The following COG6 variants were observed in gnomAD, a reference collection of about 807,000 sequenced individuals.
COG6 encodes component of oligomeric golgi complex 6.
Under a neutral mutation model 88.8 loss-of-function variants are expected in COG6, and 74 were observed. The observed-to-expected ratio is 0.83, with a 90% CI of 0.69 to 1.01. The LOEUF (loss-of-function observed/expected upper bound fraction) is 1.01, where lower values mean the gene tolerates loss of function less well. Among genes scored for constraint, COG6 ranks in the 50% least tolerant of loss-of-function variants. The pLI is 0.00. For missense variants in COG6, 800 were observed against 797.9 expected, an observed-to-expected ratio of 1.00 and a Z score of -0.03; for synonymous variants, 286 against 278.7, an observed-to-expected ratio of 1.03 and a Z score of -0.26.
chr13:39,662,510 G>A (rs778119296), intron 3 of COG6, among the ~76,000 whole-genome samples: 1 of 151,944 alleles, frequency 6.6e-6, no homozygotes, highest in Non-Finnish European at 1.5e-5. Flanking sequence ...TCTTTATTCA[G>A]ATCAACTTTA....
intron 8 of COG6, among the ~76,000 whole-genome samples, chr13:39,684,288 G>T (rs1225518645): frequency 9.0e-6 from 1 of 110,946 alleles, no homozygotes; most frequent in South Asian, 3.1e-4. Flanking sequence ...TCTAGCTGTC[G>T]CCCAGGCTGG....
chr13:39,660,786 T>A, intron 2 of COG6, 24 bp from the exon 3 acceptor site: 1 of 1,432,438 alleles, frequency 7.0e-7, no homozygotes, highest in Non-Finnish European at 9.9e-7. Context: ...ATATGATGTT[T>A]GATGTTACTT....
At chr13:39,687,124 A>G (rs1414721787) in intron 8 of COG6, among the ~76,000 whole-genome samples, 4 of 152,146 alleles carry the variant, frequency 2.6e-5, no homozygotes, top group African/African-American at 9.7e-5. Flanking sequence ...GCAAATATGT[A>G]TACTGAAATA....
At chr13:39,660,705 C>G in intron 2 of COG6, 105 bp from the exon 3 acceptor site, 2 of 782,786 alleles carry the variant, frequency 2.6e-6, no homozygotes, top group African/African-American at 1.7e-5. Context: ...ATGCCTTGAC[C>G]AAAAAAATAA....
chr13:39,694,666 T>C lies in COG6; in HGVS notation c.1107T>C (p.Pro369=). 1 of 1,601,804 alleles carries C rather than the reference T, an allele frequency of 6.2e-7. No individual in the cohort carries two copies. The highest frequency in any genetic ancestry group is 8.5e-7 in the Non-Finnish European group (1 of 1,170,670). ...TTGAGCAAGTAATAGTTGCTGAACC[T>C]GGGGCAGTTTTATTATATAAAATTT... ...VRIEQVIVAE[P]GAVLLYKISN... The change falls in exon 12 of 19, where the codon CCT becomes CCC. Residue 369 remains proline (P), a synonymous_variant. Transcript: ENST00000455146.
intron 18 of COG6, among the ~76,000 whole-genome samples, chr13:39,761,453 A>C (rs2138164258): frequency 6.6e-6 from 1 of 152,056 alleles, no homozygotes; most frequent in East Asian, 1.9e-4. Context: ...TATGGGAAAC[A>C]CTTCAGTACC....
chr13:39,742,696 G>A (rs1880113360), intron 18 of COG6, among the ~76,000 whole-genome samples: 1 of 152,170 alleles, frequency 6.6e-6, no homozygotes, highest in South Asian at 2.1e-4. Context: ...ACAGATCAAC[G>A]AGACAGAAAG....
intron 13 of COG6, among the ~76,000 whole-genome samples, chr13:39,713,766 C>G (rs766018957): frequency 7.2e-5 from 11 of 151,814 alleles, no homozygotes; most frequent in African/African-American, 1.2e-4. Flanking sequence ...ATAGACTTGT[C>G]TCTTACAAAG....
At chr13:39,690,098 AAT>A (rs1491026451) in intron 11 of COG6, among the ~76,000 whole-genome samples, 1 of 83,614 alleles carries the variant, frequency 1.2e-5, no homozygotes, top group Non-Finnish European at 2.6e-5. Context: ...TTGAGAAAAA[AAT>A]CTATTAAATT....
intron 17 of COG6, 85 bp downstream of exon 17, chr13:39,724,646 G>C: frequency 1.9e-6 from 2 of 1,046,300 alleles, no homozygotes; most frequent in Non-Finnish European, 3.0e-6. Context: ...TTTCATTCTG[G>C]GTGACACTTT....
At chr13:39,665,862 G>A (rs559466925) in intron 4 of COG6, among the ~76,000 whole-genome samples, 1 of 152,220 alleles carries the variant, frequency 6.6e-6, no homozygotes, top group African/African-American at 2.4e-5. Flanking sequence ...CTGATTTTGG[G>A]GTAGGTCAGT....
At chr13:39,783,560 A>G (rs377366609) in intron 18 of COG6, among the ~76,000 whole-genome samples, 4 of 152,336 alleles carry the variant, frequency 2.6e-5, no homozygotes, top group African/African-American at 7.2e-5. Flanking sequence ...TTTTAAAATG[A>G]TGGTACAGTT....
intron 18 of COG6, among the ~76,000 whole-genome samples, chr13:39,740,579 T>G (rs1879991312): frequency 1.3e-5 from 2 of 152,212 alleles, no homozygotes; most frequent in African/African-American, 2.4e-5. Flanking sequence ...ATACTGTATT[T>G]TATTAGCTCT....
intron 13 of COG6, among the ~76,000 whole-genome samples, chr13:39,700,627 A>G (rs185096750): frequency 2.6e-3 from 401 of 152,044 alleles, no homozygotes; most frequent in African/African-American, 9.3e-3. Flanking sequence ...AACATTAAAC[A>G]TGAACAAATA....
At chr13:39,674,235 C>G (rs1029234339) in intron 4 of COG6, among the ~76,000 whole-genome samples, 1 of 150,810 alleles carries the variant, frequency 6.6e-6, no homozygotes, top group South Asian at 2.1e-4. Flanking sequence ...CGACAGGCCC[C>G]GGTATCACAC....
chr13:39,774,849 A>G (rs570410426), intron 18 of COG6, among the ~76,000 whole-genome samples: 1 of 152,310 alleles, frequency 6.6e-6, no homozygotes, highest in South Asian at 2.1e-4. Context: ...CTGGGATTAC[A>G]GGTGTGAGCC....
chr13:39,750,170 CAGTACCATG>C (rs564237777), intron 18 of COG6, among the ~76,000 whole-genome samples: 153 of 152,194 alleles, frequency 1.0e-3, no homozygotes, highest in African/African-American at 3.2e-3. Context: ...TTCTCATGGC[CAGTACCATG>C]AGTACCATGA....
At chr13:39,716,722 A>G (rs1878548371) in intron 13 of COG6, among the ~76,000 whole-genome samples, 1 of 152,158 alleles carries the variant, frequency 6.6e-6, no homozygotes, top group Admixed American at 6.5e-5. Context: ...ATCTTAATTT[A>G]TAACAACATA....
intron 18 of COG6, among the ~76,000 whole-genome samples, chr13:39,749,757 G>A (rs75958939): frequency 7.0e-4 from 106 of 152,322 alleles, no homozygotes; most frequent in Admixed American, 1.4e-3. Flanking sequence ...CCAGAGAACA[G>A]TCAAGGGTTG....
Sources: allele counts gnomAD v4.1 joint callset (sites outside exome capture counted in the v4.1 genomes callset), GRCh38; gene constraint gnomAD v4.1.1; transcripts MANE v1.5; gene names NCBI Gene and HGNC (gene_info 2026-07-23, HGNC 2026-07-21).